POU6F2: variants seen among roughly 807,000 people sequenced by gnomAD.
POU6F2 encodes POU domain, class 6, transcription factor 2.
POU6F2 carries 31 observed loss-of-function variants against 71.3 expected under a neutral mutation model. That is an observed-to-expected ratio of 0.43 (90% confidence interval 0.33 to 0.59). The LOEUF is 0.59. Among genes scored for constraint, POU6F2 ranks in the 20% least tolerant of loss-of-function variants. The pLI is 0.04. For synonymous variants in POU6F2, 347 were observed against 355.7 expected (o/e 0.98, Z 0.27); for missense variants, 783 against 856.8 (o/e 0.91, Z 1.07).
At chr7:39,458,454 C>G (rs1788857337) in intron 8 of POU6F2, among the ~76,000 whole-genome samples, 1 of 152,074 alleles carries the variant, frequency 6.6e-6, no homozygotes, top group Non-Finnish European at 1.5e-5. Context: ...AACTTTTGCT[C>G]TAGGGATTTC....
intron 4 of POU6F2, among the ~76,000 whole-genome samples, chr7:39,235,702 A>G (rs1235819712): frequency 6.6e-6 from 1 of 152,190 alleles, no homozygotes; most frequent in East Asian, 1.9e-4. Flanking sequence ...ATTGTAATTT[A>G]TACCTATTGA....
intron 1 of POU6F2, among the ~76,000 whole-genome samples, chr7:39,024,702 GT>G (rs1281214056): frequency 1.3e-5 from 2 of 152,126 alleles, no homozygotes; most frequent in East Asian, 3.8e-4. Context: ...TTTATTGAGA[GT>G]TTTTAGCACC....
At chr7:39,354,926 G>A (rs1786222414) in intron 5 of POU6F2, among the ~76,000 whole-genome samples, 1 of 152,234 alleles carries the variant, frequency 6.6e-6, no homozygotes, top group Non-Finnish European at 1.5e-5. Context: ...CTTTGGAGCA[G>A]TAAGAGCTCT....
chr7:39,055,464 G>A (rs1036536690), intron 1 of POU6F2, among the ~76,000 whole-genome samples: 62 of 152,038 alleles, frequency 4.1e-4, no homozygotes, highest in African/African-American at 9.9e-4. Context: ...GGCAGATTCC[G>A]CACTTTAAAA....
intron 4 of POU6F2, among the ~76,000 whole-genome samples, chr7:39,262,054 C>CA (rs964705926): frequency 1.1e-4 from 17 of 151,652 alleles, no homozygotes; most frequent in African/African-American, 3.4e-4. Flanking sequence ...CTGGGAACAA[C>CA]AAAAAAAAGT....
At chr7:39,302,526 T>C (rs1784967797) in intron 4 of POU6F2, among the ~76,000 whole-genome samples, 1 of 152,250 alleles carries the variant, frequency 6.6e-6, no homozygotes, top group South Asian at 2.1e-4. Flanking sequence ...GCATGTTTGA[T>C]TGGTCTCAAT....
intron 1 of POU6F2, among the ~76,000 whole-genome samples, chr7:39,007,499 T>C (rs950566166): frequency 6.6e-6 from 1 of 152,252 alleles, no homozygotes; most frequent in Non-Finnish European, 1.5e-5. Context: ...TCCAGTTTTC[T>C]AATTGCTTCT....
chr7:39,076,104 T>A (rs1790998048), intron 1 of POU6F2, among the ~76,000 whole-genome samples: 1 of 152,188 alleles, frequency 6.6e-6, no homozygotes, highest in South Asian at 2.1e-4. Context: ...CAGCTGAATG[T>A]ATGCTGAAAA....
At chr7:39,090,238 C>A (rs1318280667) in intron 2 of POU6F2, among the ~76,000 whole-genome samples, 1 of 152,002 alleles carries the variant, frequency 6.6e-6, no homozygotes, top group Admixed American at 6.6e-5. Context: ...TTGTGTATTT[C>A]TTTTCCTTTC....
intron 7 of POU6F2, among the ~76,000 whole-genome samples, chr7:39,441,367 GAGTACATGGGAGTCA>G (rs1788400791): frequency 6.6e-6 from 1 of 151,746 alleles, no homozygotes; most frequent in Non-Finnish European, 1.5e-5. Context: ...ACTTGGAGTT[GAGTACATGGGAGTCA>G]AGTCATGAGT....
chr7:39,120,749 T>A (rs1298716818), intron 2 of POU6F2: 1 of 152,214 alleles, frequency 6.6e-6, no homozygotes, highest in Non-Finnish European at 1.5e-5. Flanking sequence ...TAGAATTGAG[T>A]AGTTGTGGCT....
chr7:39,333,307 G>A (rs746287762), intron 4 of POU6F2, among the ~76,000 whole-genome samples: 17 of 152,104 alleles, frequency 1.1e-4, no homozygotes, highest in Non-Finnish European at 2.5e-4. Context: ...GGCGGTAGTG[G>A]TTGGTGAATT....
rs1444549864 is a variant in POU6F2 at position 39,205,489 on chromosome 7, TA to T, written c.369+1167del. ...GCCTTGAGCCCACAAATCCTATTTTTAAAATGCTGCAGGCCAAAACCCCCAA... is the reference window on the plus strand; with the variant it reads ...GCCTTGAGCCCACAAATCCTATTTTTAAATGCTGCAGGCCAAAACCCCCAA... On this transcript the variant is annotated intron_variant, in intron 3 of 9. Coordinates refer to ENST00000518318, the MANE Select transcript of POU6F2 (RefSeq NM_001370959.1). Among the ~76,000 whole-genome samples the T allele has an allele frequency of 1.1e-4, 16 of 152,126 alleles. No individual in the cohort carries two copies. The East Asian group carries it at 3.1e-3, about 30-fold the overall frequency.
intron 8 of POU6F2, among the ~76,000 whole-genome samples, chr7:39,456,342 A>G (rs1433350083): frequency 6.6e-6 from 1 of 152,204 alleles, no homozygotes; most frequent in East Asian, 1.9e-4. Flanking sequence ...CTGAGGGAGC[A>G]TTCCAGGGAG....
chr7:39,335,871 G>A (rs1785762633), intron 4 of POU6F2, among the ~76,000 whole-genome samples: 1 of 152,098 alleles, frequency 6.6e-6, no homozygotes, highest in South Asian at 2.1e-4. Context: ...AGTTCCCAAC[G>A]CCCTGCCCTG....
intron 5 of POU6F2, among the ~76,000 whole-genome samples, chr7:39,352,391 G>A (rs1786155162): frequency 6.6e-6 from 1 of 152,122 alleles, no homozygotes; most frequent in African/African-American, 2.4e-5. Context: ...CCTCAGTGAG[G>A]GGAGGCGGCA....
chr7:39,315,784 G>T (rs559125356), intron 4 of POU6F2, among the ~76,000 whole-genome samples: 161 of 152,346 alleles, frequency 1.1e-3, no homozygotes, highest in African/African-American at 3.7e-3. Context: ...TCGACTTCAT[G>T]GGTGACACGG....
At chr7:39,273,396 G>T (rs1257405468) in intron 4 of POU6F2, among the ~76,000 whole-genome samples, 1 of 152,232 alleles carries the variant, frequency 6.6e-6, no homozygotes, top group Non-Finnish European at 1.5e-5. Context: ...CAGGCAGTTT[G>T]CCTCTGTGGT....
intron 5 of POU6F2, among the ~76,000 whole-genome samples, chr7:39,355,133 G>A (rs1359091251): frequency 1.3e-5 from 2 of 152,232 alleles, no homozygotes; most frequent in Non-Finnish European, 2.9e-5. Flanking sequence ...TGGCACTCAA[G>A]AGGCTGTGCC....
Sources: gnomAD v4.1 joint callset for allele counts (sites outside exome capture counted in the v4.1 genomes callset) on GRCh38, gnomAD v4.1.1 for gene constraint, MANE v1.5 for transcripts, NCBI Gene and HGNC (gene_info 2026-07-23, HGNC 2026-07-21) for gene names.